KHDRBS3: variants seen among roughly 807,000 people sequenced by gnomAD.
The protein encoded by KHDRBS3 is KH domain-containing, RNA-binding, signal transduction-associated protein 3.
Under a neutral mutation model 45.6 loss-of-function variants are expected in KHDRBS3, and 23 were observed. The observed-to-expected ratio is 0.50, with a 90% CI of 0.36 to 0.72. The LOEUF (loss-of-function observed/expected upper bound fraction) is 0.72. Ranked by LOEUF, KHDRBS3 falls within the 30% of genes least tolerant of loss-of-function variation. The pLI is 0.00. For missense variants in KHDRBS3, 352 were observed against 424.8 expected, an observed-to-expected ratio of 0.83 and a Z score of 1.51; for synonymous variants, 162 against 156.5, an observed-to-expected ratio of 1.04 and a Z score of -0.26.
chr8:135,461,264 C>T (rs1042143400), intron 1 of KHDRBS3, among the ~76,000 whole-genome samples: 51 of 152,098 alleles, frequency 3.4e-4, no homozygotes, highest in African/African-American at 1.2e-3. Context: ...GCCACCATGC[C>T]TGGTTAATTT....
intron 7 of KHDRBS3, among the ~76,000 whole-genome samples, chr8:135,619,739 T>C (rs1235655881): frequency 6.6e-6 from 1 of 152,248 alleles, no homozygotes; most frequent in African/African-American, 2.4e-5. Flanking sequence ...TTTGGAATTT[T>C]GGAAAAACAA....
At position 135,461,341 on chromosome 8, in the gene KHDRBS3, G is replaced by A. The variant is rs574010637; in HGVS notation, c.88+3387G>A. On this transcript the variant is annotated intron_variant, in intron 1 of 8. Coordinates refer to ENST00000355849, the MANE Select transcript of KHDRBS3 (RefSeq NM_006558.3). ...GCTGGTCTCGAACTCCTGACCTCGT[G>A]ATCTGCCTGCCTCAGCCTCCCAAAG... Among the ~76,000 whole-genome samples, 24 of 152,316 alleles carry A rather than the reference G, an allele frequency of 1.6e-4. No individual in the cohort carries two copies. In the East Asian group the frequency reaches 4.4e-3, roughly 28 times the overall value.
chr8:135,544,297 G>A (rs1474946313), intron 3 of KHDRBS3, among the ~76,000 whole-genome samples: 1 of 152,092 alleles, frequency 6.6e-6, no homozygotes, highest in Non-Finnish European at 1.5e-5. Flanking sequence ...AGTTATCAGG[G>A]CATCCACAAG....
At chr8:135,630,536 A>T (rs1043282723) in intron 7 of KHDRBS3, among the ~76,000 whole-genome samples, 17 of 112,770 alleles carry the variant, frequency 1.5e-4, no homozygotes, top group African/African-American at 5.4e-4. Context: ...ATTGGGATAC[A>T]TTCTGAGAAA....
intron 2 of KHDRBS3, among the ~76,000 whole-genome samples, chr8:135,535,164 A>C (rs962471350): frequency 3.3e-5 from 5 of 151,534 alleles, no homozygotes; most frequent in Non-Finnish European, 7.4e-5. Flanking sequence ...AAATCAGTTA[A>C]GGTTGTGTGA....
chr8:135,489,425 A>G (rs149873429), intron 1 of KHDRBS3, among the ~76,000 whole-genome samples: 152 of 152,290 alleles, frequency 1.0e-3, no homozygotes, highest in Middle Eastern at 6.8e-3. Context: ...CACGCCTGTA[A>G]TCCCAGCACT....
intron 1 of KHDRBS3, among the ~76,000 whole-genome samples, chr8:135,475,484 G>A (rs1168391505): frequency 4.0e-5 from 6 of 151,790 alleles, no homozygotes; most frequent in Non-Finnish European, 8.8e-5. Context: ...GCTAATTTTT[G>A]TATTTTTAGT....
intron 5 of KHDRBS3, among the ~76,000 whole-genome samples, chr8:135,560,027 G>C (rs1827091926): frequency 6.6e-6 from 1 of 152,056 alleles, no homozygotes; most frequent in Non-Finnish European, 1.5e-5. Context: ...ACCAGTCTGG[G>C]CAACATAGCC....
intron 5 of KHDRBS3, among the ~76,000 whole-genome samples, chr8:135,570,504 C>CT (rs1394519041): frequency 2.0e-5 from 3 of 152,000 alleles, no homozygotes; most frequent in Non-Finnish European, 2.9e-5. Context: ...TTAAAAAGTC[C>CT]TTTTTTTATT....
At chr8:135,638,410 T>C (rs10081435) in intron 7 of KHDRBS3, among the ~76,000 whole-genome samples, 25,624 of 152,128 alleles carry the variant, frequency 0.17, 3,316 homozygotes, top group East Asian at 0.53. Context: ...AAGAAGCCTG[T>C]TTTAAATAAG....
intron 5 of KHDRBS3, among the ~76,000 whole-genome samples, chr8:135,557,940 A>G (rs140731818): frequency 9.8e-5 from 15 of 152,304 alleles, no homozygotes; most frequent in African/African-American, 3.6e-4. Flanking sequence ...ATAACCTGTG[A>G]CACTTATTAG....
At chr8:135,570,746 T>G (rs1471215902) in intron 5 of KHDRBS3, among the ~76,000 whole-genome samples, 2 of 152,272 alleles carry the variant, frequency 1.3e-5, no homozygotes, top group South Asian at 4.2e-4. Flanking sequence ...TTACCTGGCA[T>G]GAGTACCCCA....
intron 1 of KHDRBS3, among the ~76,000 whole-genome samples, chr8:135,501,682 C>G (rs1823741478): frequency 6.6e-6 from 1 of 151,818 alleles, no homozygotes. Context: ...TTTTCTCTAG[C>G]TCGCAGAAAA....
Position 135,550,462 on chromosome 8 carries a change from C to A in KHDRBS3, c.471+1562C>A, listed in dbSNP as rs117436780. 5.5e-3 allele frequency among the ~76,000 whole-genome samples: 835 copies of A among 152,260 alleles called. 6 individuals carry two copies. Among genetic ancestry groups the A allele is most frequent in the Middle Eastern group, 0.021 (6 of 292 alleles). Reference sequence around the variant, plus strand: ...TCTAGATGGATATCAGTTGTCCTAGCACCATATGTTGAAAAGACAATCATT... The same window carrying A: ...TCTAGATGGATATCAGTTGTCCTAGAACCATATGTTGAAAAGACAATCATT... On this transcript the variant is annotated intron_variant, in intron 4 of 8. Transcript: ENST00000355849.
chr8:135,485,842 T>TTATATATGTATATATATATATATA (rs1822829359), intron 1 of KHDRBS3, among the ~76,000 whole-genome samples: 1 of 120,346 alleles, frequency 8.3e-6, no homozygotes, highest in Non-Finnish European at 1.6e-5. Context: ...CATTTCAAGT[T>TTATATATGTATATATATATATATA]TATATATATA....
intron 7 of KHDRBS3, among the ~76,000 whole-genome samples, chr8:135,610,641 A>C (rs1829670657): frequency 6.6e-6 from 1 of 151,940 alleles, no homozygotes; most frequent in African/African-American, 2.4e-5. Flanking sequence ...CATTGTTTTC[A>C]TAAGAAGACT....
At chr8:135,503,268 A>T (rs1456604947) in intron 1 of KHDRBS3, among the ~76,000 whole-genome samples, 2 of 152,250 alleles carry the variant, frequency 1.3e-5, no homozygotes, top group Non-Finnish European at 2.9e-5. Context: ...CCTTGGGCAC[A>T]TGCACAGTTC....
Position 135,548,854 on chromosome 8 carries a change from C to G in KHDRBS3, c.425C>G (p.Ala142Gly). The G allele has an allele frequency of 6.2e-7, 1 of 1,601,934 alleles. No individual in the cohort carries two copies. Among genetic ancestry groups the G allele is most frequent in the Non-Finnish European group, 8.5e-7 (1 of 1,174,112 alleles). Residue 142 changes from alanine to glycine, a missense_variant, in exon 4 of 9, where the codon GCC (alanine) becomes GGC (glycine). Physicochemically the swap from Ala to Gly is moderately conservative, Grantham distance 60. This residue lies in a region of KHDRBS3 where 46 missense variants were observed against 45.9 expected (regional missense o/e 1.00). Transcript: ENST00000355849. Reference sequence around the variant, plus strand: ...TTTGCCCCACCTGCAGAAGCTTATGCCAGGATGGGACATGCTTTGGAAGAA... The same window carrying G: ...TTTGCCCCACCTGCAGAAGCTTATGGCAGGATGGGACATGCTTTGGAAGAA... ...EVFAPPAEAYARMGHALEEIK... is the reference protein window; with the variant it reads ...EVFAPPAEAYGRMGHALEEIK...
intron 6 of KHDRBS3, among the ~76,000 whole-genome samples, chr8:135,598,390 A>G (rs1328764205): frequency 2.0e-5 from 3 of 152,150 alleles, no homozygotes; most frequent in African/African-American, 7.2e-5. Context: ...CCATTTTGCA[A>G]ATTTTAAAAT....
Sources: allele counts gnomAD v4.1 joint callset (sites outside exome capture counted in the v4.1 genomes callset), GRCh38; gene constraint gnomAD v4.1.1; regional missense constraint gnomAD v4.1.1; transcripts MANE v1.5; gene names NCBI Gene and HGNC (gene_info 2026-07-23, HGNC 2026-07-21).